Variants in ADGRL2 observed in about 807,000 individuals in gnomAD.
ADGRL2 encodes the protein adhesion G protein-coupled receptor L2, also known as calcium-independent alpha-latrotoxin receptor 2.
A neutral mutation model predicts 157.4 loss-of-function variants in ADGRL2; 44 were observed. The observed-to-expected ratio is 0.28, with a 90% CI of 0.22 to 0.36. The LOEUF is 0.36. ADGRL2 is among the 10% of genes least tolerant of loss of function. The pLI is 1.00. For missense variants in ADGRL2, 1,510 were observed against 1,768.9 expected (o/e 0.85, Z 2.63); for synonymous variants, 585 against 624.7 (o/e 0.94, Z 0.95).
intron 1 of ADGRL2, among the ~76,000 whole-genome samples, chr1:81,761,295 T>C (rs2149306925): frequency 6.6e-6 from 1 of 152,050 alleles, no homozygotes; most frequent in East Asian, 1.9e-4. Flanking sequence ...GCAAATCTCC[T>C]TCATATATAT....
Position 81,648,942 on chromosome 1 carries a change from G to A in ADGRL2, c.-143+67962G>A, listed in dbSNP as rs140445193. Among the ~76,000 whole-genome samples, 595 of 152,286 alleles carry A rather than the reference G, an allele frequency of 3.9e-3. 3 individuals carry two copies. Among genetic ancestry groups the A allele is most frequent in the Non-Finnish European group, 5.5e-3 (377 of 68,030 alleles). On this transcript the variant is annotated intron_variant, in intron 3 of 24. Transcript: ENST00000370721. ...AGTCCTTTGGACACTTGGAACCGGA[G>A]AATGCTGTGCAGTATCACAGGGTTT...
rs770366997 is a variant in ADGRL2, at chr1:81,966,515, C to T, written c.2255C>T (p.Ala752Val). The change falls in exon 13 of 24, where the codon GCA becomes GTA. Residue 752 changes from alanine to valine, a missense_variant. Transcript: ENST00000686636. ...ADFIGRNSTI[A>V]VNSHVISVSI... ...TTTATTGGTCGTAATAGCACCATTGCAGTGAACTCTCACGTCATTTCAGTT... is the reference window on the plus strand; with the variant it reads ...TTTATTGGTCGTAATAGCACCATTGTAGTGAACTCTCACGTCATTTCAGTT... 2.5e-6 allele frequency: 4 copies of T among 1,613,578 alleles called. No individual in the cohort carries two copies. Among genetic ancestry groups the T allele is most frequent in the Non-Finnish European group, 3.4e-6 (4 of 1,179,540 alleles).
intron 2 of ADGRL2, among the ~76,000 whole-genome samples, chr1:81,860,341 A>G (rs2093350965): frequency 6.6e-6 from 1 of 152,120 alleles, no homozygotes; most frequent in African/African-American, 2.4e-5. Flanking sequence ...TATTTTATTT[A>G]TTAACTTCCT....
intron 1 of ADGRL2, among the ~76,000 whole-genome samples, chr1:81,726,221 C>A (rs187963985): frequency 6.6e-6 from 1 of 152,308 alleles, no homozygotes; most frequent in Admixed American, 6.5e-5. Flanking sequence ...ACTTCTCTCT[C>A]ACAACCCTTA....
chr1:81,713,809 A>T (rs1046689573), intron 1 of ADGRL2, among the ~76,000 whole-genome samples: 17 of 152,350 alleles, frequency 1.1e-4, no homozygotes, highest in African/African-American at 4.1e-4. Context: ...CAAAAGCCCT[A>T]GATCATTCCA....
At chr1:81,616,874 C>T (rs1298377079) in intron 3 of ADGRL2, among the ~76,000 whole-genome samples, 5 of 151,942 alleles carry the variant, frequency 3.3e-5, no homozygotes, top group East Asian at 1.9e-4. Flanking sequence ...GCAAGGGTTT[C>T]GTCATTTTGC....
intron 1 of ADGRL2, chr1:81,426,352 A>G: frequency 3.6e-6 from 1 of 275,754 alleles, no homozygotes. Flanking sequence ...GGGCAGAGAA[A>G]GTTAGAGAGG....
At chr1:81,361,171 C>A (rs141921784) in intron 1 of ADGRL2, among the ~76,000 whole-genome samples, 182 of 151,998 alleles carry the variant, frequency 1.2e-3, no homozygotes, top group Non-Finnish European at 1.8e-3. Context: ...TTAGATGATT[C>A]ACTGGGCTAC....
At chr1:81,426,888 T>A (rs953327530) in intron 1 of ADGRL2, 11 of 655,884 alleles carry the variant, frequency 1.7e-5, no homozygotes, top group Non-Finnish European at 2.8e-5. Context: ...TGAGACTACT[T>A]TGAAAAGTAT....
At chr1:81,773,788 T>C (rs1311416830) in intron 2 of ADGRL2, among the ~76,000 whole-genome samples, 1 of 152,202 alleles carries the variant, frequency 6.6e-6, no homozygotes, top group African/African-American at 2.4e-5. Flanking sequence ...ATGGGCTGAA[T>C]TGTGTCGTCT....
chr1:81,912,513 G>C (rs536983306), intron 3 of ADGRL2, among the ~76,000 whole-genome samples: 11 of 152,282 alleles, frequency 7.2e-5, no homozygotes, highest in African/African-American at 2.4e-4. Flanking sequence ...GGCACTTAAA[G>C]AGTAGTCAAC....
At chr1:81,691,584 C>A (rs916535133) in intron 3 of ADGRL2, among the ~76,000 whole-genome samples, 1 of 151,926 alleles carries the variant, frequency 6.6e-6, no homozygotes, top group South Asian at 2.1e-4. Flanking sequence ...CTGCAACCTC[C>A]ACTTCCTGGG....
chr1:81,445,080 G>C (rs1228247998), exon 2 of ADGRL2: 2 of 152,326 alleles, frequency 1.3e-5, no homozygotes, highest in Non-Finnish European at 2.9e-5. Context: ...AGCCTACGTA[G>C]ATTCATAAGG....
intron 1 of ADGRL2, among the ~76,000 whole-genome samples, chr1:81,731,429 A>T (rs2084718963): frequency 1.3e-5 from 2 of 152,168 alleles, no homozygotes; most frequent in South Asian, 4.1e-4. Flanking sequence ...GATTTCCTTC[A>T]AGAACTTTTC....
At chr1:81,457,895 T>G (rs1297111404) in intron 2 of ADGRL2, among the ~76,000 whole-genome samples, 1 of 152,184 alleles carries the variant, frequency 6.6e-6, no homozygotes, top group Non-Finnish European at 1.5e-5. Flanking sequence ...GTGCTTCAAT[T>G]TGCCACTATG....
At chr1:81,548,199 T>A (rs909473407) in intron 2 of ADGRL2, among the ~76,000 whole-genome samples, 1 of 152,116 alleles carries the variant, frequency 6.6e-6, no homozygotes. Context: ...TGCACTCAAT[T>A]TCTTATGTTC....
In ADGRL2 at chr1:81,510,846, C is replaced by T. The variant is rs752602895; in HGVS notation, c.-248+65757C>T. Among the ~76,000 whole-genome samples the T allele has an allele frequency of 2.2e-4, 33 of 152,154 alleles. 1 individual carries two copies. Among genetic ancestry groups the T allele is most frequent in the African/African-American group, 7.2e-4 (30 of 41,506 alleles). ...TGGTAACTTTTTCAGGCTCCTTCTA[C>T]GAAACTATTTGACAAGGAAAAAAAT... On this transcript the variant is annotated intron_variant, in intron 2 of 24. Transcript: ENST00000370721.
chr1:81,735,863 G>A (rs1025226052), intron 1 of ADGRL2, among the ~76,000 whole-genome samples: 8 of 151,738 alleles, frequency 5.3e-5, no homozygotes, highest in Admixed American at 6.6e-5. Context: ...TCAAACTGAC[G>A]GCTGGGCGCG....
intron 1 of ADGRL2, among the ~76,000 whole-genome samples, chr1:81,383,697 G>T (rs555137577): frequency 6.7e-6 from 1 of 149,836 alleles, no homozygotes; most frequent in South Asian, 2.1e-4. Context: ...GTGCACGGTG[G>T]CTCACACCTG....
Sources: allele counts gnomAD v4.1 joint callset (sites outside exome capture counted in the v4.1 genomes callset), GRCh38; gene constraint gnomAD v4.1.1; transcripts MANE v1.5; gene names NCBI Gene and HGNC (gene_info 2026-07-23, HGNC 2026-07-21).